TSC2: variants seen among roughly 807,000 people sequenced by gnomAD.
The protein encoded by TSC2 is tuberin.
In TSC2, 29 loss-of-function variants were observed where a neutral mutation model predicts 202.2. The observed-to-expected ratio is 0.14, with a 90% CI of 0.11 to 0.20. The LOEUF is 0.20. TSC2 is among the 10% of genes least tolerant of loss of function. The pLI is 1.00. For synonymous variants in TSC2, 1,349 were observed against 1,044.0 expected, an observed-to-expected ratio of 1.29 and a Z score of -5.63; for missense variants, 2,429 against 2,420.0, an observed-to-expected ratio of 1.00 and a Z score of -0.08.
In TSC2 at chr16:2,072,311, T is replaced by C. The variant is rs1466225483; in HGVS notation, c.2168T>C (p.Ile723Thr). Residue 723 changes from isoleucine (I) to threonine (T), a missense_variant, in exon 20 of 42, where the codon ATC becomes ACC. Physicochemically the swap from Ile to Thr is moderately conservative, Grantham distance 89 (BLOSUM62 -1). Coordinates refer to ENST00000219476, the MANE Select transcript of TSC2 (RefSeq NM_000548.5). ...GAGTCCCTGCGCTATAAAGTGCTCA[T>C]CTTTACTTCCCCTTGCAGTGTGGAC... Reference protein sequence around the residue: ...LPESLRYKVLIFTSPCSVDQL... With the variant: ...LPESLRYKVLTFTSPCSVDQL... The C allele has an allele frequency of 1.2e-6, 2 of 1,614,130 alleles. No individual in the cohort carries two copies. Among genetic ancestry groups the C allele is most frequent in the Admixed American group, 1.7e-5 (1 of 60,028 alleles).
At chr16:2,055,748 G>A (rs1319504144) in intron 6 of TSC2, 28 of 500,220 alleles carry the variant, frequency 5.6e-5, no homozygotes, top group East Asian at 1.5e-4. Context: ...AAAATTAGCC[G>A]GGCATGGTGG....
intron 23 of TSC2, 32 bp downstream of exon 23, chr16:2,075,924 AGCCGTGGCCCCCGCTAGGCCTTGCG>A: frequency 6.2e-7 from 1 of 1,612,732 alleles, no homozygotes; most frequent in Non-Finnish European, 8.5e-7. Flanking sequence ...TGTGCCTCCC[AGCCGTGGCCCCCGCTAGGCCTTGCG>A]GCAGAAAGCC....
At position 2,079,260 on chromosome 16, in the gene TSC2, G is replaced by A. The variant is rs199572528; in HGVS notation, c.3132-16G>A. 52 of 1,612,972 alleles carry A rather than the reference G, an allele frequency of 3.2e-5. No individual in the cohort carries two copies. The highest frequency in any genetic ancestry group is 2.9e-4 in the East Asian group (13 of 44,880). On this transcript the variant is annotated splice_polypyrimidine_tract_variant and intron_variant, in intron 27 of 41. Transcript: ENST00000219476. This position sits in a 1 kb window ranked among gnomAD's most constrained non-coding sequence, Gnocchi z 4.6. The stretch of plus-strand genomic sequence containing the variant: ...GCTCCACGGGCAAGCTGGGTTTCAC[G>A]CTCCCTGTCTTCTAGGTCTCCTGTG...
rs1060504122 is a variant in TSC2 at position 2,088,332 on chromosome 16, A to G, written c.5259+7A>G. ...CAAGCGGCTCCGCCAGCGGGTAGGG[A>G]ATATGGGGCTCCCTCAGCGGGGTGT... On this transcript the variant is annotated splice_region_variant and intron_variant, in intron 41 of 41. Coordinates refer to ENST00000219476, the MANE Select transcript of TSC2 (RefSeq NM_000548.5). The G allele has an allele frequency of 6.2e-7, 1 of 1,612,552 alleles. No individual in the cohort carries two copies. Among genetic ancestry groups the G allele is most frequent in the Non-Finnish European group, 8.5e-7 (1 of 1,179,980 alleles).
intron 29 of TSC2, 103 bp from the exon 30 acceptor site, chr16:2,080,062 C>A: frequency 6.7e-7 from 1 of 1,481,858 alleles, no homozygotes; most frequent in Non-Finnish European, 9.3e-7. Context: ...TCTCTGGCTG[C>A]CTGTGGCACT....
At position 2,088,669 on chromosome 16, in the gene TSC2, TA is replaced by T. The variant is rs36032671; in HGVS notation, c.*62del. 22 of 1,548,276 alleles carry T rather than the reference TA, an allele frequency of 1.4e-5. No homozygotes were observed. The highest frequency in any genetic ancestry group is 1.9e-5 in the Admixed American group (1 of 52,742). On this transcript the variant is annotated 3_prime_UTR_variant, in exon 42 of 42. Transcript: ENST00000219476. Reference sequence around the variant, plus strand: ...CGGTATTGCCTGTCAGTGAAATAAATAAAGTCCTGACCCCAGTGCACAGACA... The same window carrying T: ...CGGTATTGCCTGTCAGTGAAATAAATAAGTCCTGACCCCAGTGCACAGACA...
rs747855652 is a variant in TSC2, at chr16:2,085,372, C to T, written c.4662+50C>T. 1.1e-5 allele frequency: 17 copies of T among 1,595,310 alleles called. No individual in the cohort carries two copies. The South Asian group carries it at 1.2e-4, about 11-fold the overall frequency. ...TGCCTGGACAGGGCCAGCTGGGCCT[C>T]AGCCTGCAGTGGGTAGGGAGTCTGG... is the stretch of plus-strand genomic sequence containing the variant. On this transcript the variant is annotated intron_variant, in intron 36 of 41. Transcript: ENST00000219476.
intron 11 of TSC2, chr16:2,061,240 G>A: frequency 3.2e-6 from 1 of 313,180 alleles, no homozygotes; most frequent in Non-Finnish European, 6.3e-6. Context: ...TCAGCATAGG[G>A]GCCCTGGGGA....
rs1177932432 is a variant in TSC2 at position 2,088,861 on chromosome 16, A to C, written c.*251A>C. On this transcript the variant is annotated 3_prime_UTR_variant, in exon 42 of 42. Transcript: ENST00000219476. Reference sequence around the variant, plus strand: ...CTTGAGGCTGCCTGGGCCATACAGCACACTCGCGCGTGCGCGCGCGCACAC... The same window carrying C: ...CTTGAGGCTGCCTGGGCCATACAGCCCACTCGCGCGTGCGCGCGCGCACAC... The C allele has an allele frequency of 1.8e-6, 1 of 552,058 alleles. No individual in the cohort carries two copies. The allele number at this position is 552,058 out of a possible 1,614,324, so 34.2% of individuals were successfully genotyped here.
At chr16:2,073,117 G>T in intron 21 of TSC2, 134 bp downstream of exon 21, 4 of 1,432,950 alleles carry the variant, frequency 2.8e-6, no homozygotes, top group Non-Finnish European at 3.8e-6. Flanking sequence ...CTGCTTCCCT[G>T]GGTGGCTGCC....
chr16:2,054,683 G>A (rs962283324), intron 5 of TSC2: 5 of 586,124 alleles, frequency 8.5e-6, no homozygotes, highest in African/African-American at 1.9e-5. Context: ...GGGGCTTGGG[G>A]CCTCCGAACA....
At chr16:2,060,871 C>T in intron 11 of TSC2, 58 bp downstream of exon 11, 1 of 1,599,996 alleles carries the variant, frequency 6.3e-7, no homozygotes, top group Non-Finnish European at 8.5e-7. Context: ...CAGGCTCGGC[C>T]CACTCAGAAG....
chr16:2,083,189 T>A, intron 32 of TSC2: 1 of 458,074 alleles, frequency 2.2e-6, no homozygotes, highest in Non-Finnish European at 4.4e-6. Context: ...CAGGAAATGC[T>A]GCTTTGGGAC....
chr16:2,052,716 G>C (rs1173327397), intron 3 of TSC2, among the ~76,000 whole-genome samples: 1 of 152,198 alleles, frequency 6.6e-6, no homozygotes, highest in Non-Finnish European at 1.5e-5. Flanking sequence ...AAGGTGGTGA[G>C]AGCCAGCCCA....
At chr16:2,070,882 T>C (rs1346410238) in intron 17 of TSC2, among the ~76,000 whole-genome samples, 1 of 152,116 alleles carries the variant, frequency 6.6e-6, no homozygotes, top group Non-Finnish European at 1.5e-5. Flanking sequence ...CTGCAGAATC[T>C]GTGAAGGACC....
In TSC2 at chr16:2,088,665, TAAATA is replaced by T. The variant is rs1348132048; in HGVS notation, c.*58_*62del. ...TGGACGGTATTGCCTGTCAGTGAAA[TAAATA>T]AAGTCCTGACCCCAGTGCACAGACA... On this transcript the variant is annotated 3_prime_UTR_variant, in exon 42 of 42. Coordinates refer to ENST00000219476, the MANE Select transcript of TSC2 (RefSeq NM_000548.5). 5.2e-6 allele frequency: 8 copies of T among 1,548,580 alleles called. No homozygotes were observed. The highest frequency in any genetic ancestry group is 6.1e-6 in the Non-Finnish European group (7 of 1,156,544).
At chr16:2,057,467 G>A (rs956278338) in intron 9 of TSC2, among the ~76,000 whole-genome samples, 5 of 152,102 alleles carry the variant, frequency 3.3e-5, no homozygotes, top group South Asian at 2.1e-4. Context: ...GGCGAGGCTC[G>A]GGGTCTTGGC....
chr16:2,061,518 C>T (rs1483483414), intron 11 of TSC2: 4 of 397,416 alleles, frequency 1.0e-5, no homozygotes, highest in Non-Finnish European at 1.9e-5. Flanking sequence ...CTTGGCCCTC[C>T]TGCCCGAGCT....
intron 4 of TSC2, chr16:2,053,776 T>G: frequency 1.8e-6 from 1 of 545,868 alleles, no homozygotes; most frequent in Non-Finnish European, 3.5e-6. Context: ...TGTTTTGCCC[T>G]TGCACCCTTT....
Sources: gnomAD v4.1 joint callset for allele counts (sites outside exome capture counted in the v4.1 genomes callset) on GRCh38, gnomAD v4.1.1 for gene constraint, Gnocchi (gnomAD v3.1) non-coding constraint, MANE v1.5 for transcripts, NCBI Gene and HGNC (gene_info 2026-07-23, HGNC 2026-07-21) for gene names.